CSMD1: variants seen among roughly 807,000 people sequenced by gnomAD.
CSMD1 encodes CUB and Sushi multiple domains 1.
CSMD1 carries 213 observed loss-of-function variants against 417.5 expected under a neutral mutation model. The ratio of observed to expected loss-of-function variants is 0.51; its 90% confidence interval spans 0.46 to 0.57. The LOEUF (loss-of-function observed/expected upper bound fraction) is 0.57, where lower values mean the gene tolerates loss of function less well. Among genes scored for constraint, CSMD1 ranks in the 20% least tolerant of loss-of-function variants. The probability of loss-of-function intolerance (pLI) is 0.00; values close to 1 mark genes in which losing one functional copy is unlikely to be tolerated. For missense variants in CSMD1, 6,923 were observed against 4,529.7 expected (o/e 1.53, Z -15.17); for synonymous variants, 2,862 against 1,736.8 (o/e 1.65, Z -16.11).
chr8:2,965,943 C>A lies in CSMD1; in HGVS notation c.9112G>T (p.Gly3038Trp). The change falls in exon 59 of 70, where the codon GGG becomes TGG. Residue 3038 changes from glycine (G) to tryptophan (W), a missense_variant. By Grantham distance (184) the Gly-to-Trp change is radical. Coordinates refer to ENST00000635120, the MANE Select transcript of CSMD1 (RefSeq NM_033225.6). Reference protein sequence around the residue: ...TAPDCTIISCGDPGTLANGIQ... With the variant: ...TAPDCTIISCWDPGTLANGIQ... ...CCATTTGCTAGTGTGCCTGGATCCC[C>A]ACAACTTATAACTAATAAACAGGGA... is the stretch of plus-strand genomic sequence containing the variant. The A allele has an allele frequency of 6.2e-7, 1 of 1,604,570 alleles. No individual in the cohort carries two copies. The highest frequency in any genetic ancestry group is 8.5e-7 in the Non-Finnish European group (1 of 1,175,308).
chr8:3,780,100 G>A (rs1799096037), intron 5 of CSMD1, among the ~76,000 whole-genome samples: 1 of 152,238 alleles, frequency 6.6e-6, no homozygotes, highest in Non-Finnish European at 1.5e-5. Context: ...ACCAGTCGGT[G>A]TTGCATTAGA....
intron 3 of CSMD1, among the ~76,000 whole-genome samples, chr8:4,169,218 C>G (rs115071882): frequency 0.02 from 3,073 of 152,240 alleles, 109 homozygotes; most frequent in African/African-American, 0.07. Flanking sequence ...CATGTCTGAG[C>G]AAAGTCCAGC....
intron 1 of CSMD1, among the ~76,000 whole-genome samples, chr8:4,918,313 C>T (rs1419783902): frequency 6.6e-6 from 1 of 152,182 alleles, no homozygotes; most frequent in Non-Finnish European, 1.5e-5. Flanking sequence ...TCGAAAATCA[C>T]AAAGTGTATT....
intron 2 of CSMD1, among the ~76,000 whole-genome samples, chr8:4,555,865 C>T (rs1035687526): frequency 6.6e-6 from 1 of 151,962 alleles, no homozygotes; most frequent in East Asian, 1.9e-4. Flanking sequence ...ATCTAAAAGA[C>T]TGAAAAGACT....
rs1227266091 is a variant in CSMD1, at chr8:3,412,029, TATATACACATATATAC to T, written c.1562-2440_1562-2425del. Among the ~76,000 whole-genome samples, 49 of 81,272 alleles carry T rather than the reference TATATACACATATATAC, an allele frequency of 6.0e-4. 11 individuals are homozygous for T. The highest frequency in any genetic ancestry group is 2.2e-3 in the African/African-American group (43 of 19,226). 53.3% of individuals were successfully genotyped at this position (81,272 alleles called of 152,430 possible). On this transcript the variant is annotated intron_variant, in intron 12 of 69. Transcript: ENST00000635120. ...GTATATATATACATATACACACGTATATATACACATATATACACGTATATATACACACGTATATATA... is the reference window on the plus strand; with the variant it reads ...GTATATATATACATATACACACGTATACGTATATATACACACGTATATATA...
intron 1 of CSMD1, among the ~76,000 whole-genome samples, chr8:4,812,066 T>C (rs1318767939): frequency 6.6e-6 from 1 of 152,196 alleles, no homozygotes; most frequent in East Asian, 1.9e-4. Context: ...TATAAAACTT[T>C]GGCTTTGACA....
chr8:3,439,108 GCA>G (rs1814767687), intron 12 of CSMD1, among the ~76,000 whole-genome samples: 1 of 63,464 alleles, frequency 1.6e-5, no homozygotes, highest in African/African-American at 6.9e-5. Flanking sequence ...GGGTGACAGA[GCA>G]AGACTCCATC....
chr8:3,714,106 G>C (rs948751647), intron 6 of CSMD1, among the ~76,000 whole-genome samples: 1 of 150,118 alleles, frequency 6.7e-6, no homozygotes, highest in South Asian at 2.1e-4. Flanking sequence ...ATATATAAAT[G>C]TATAAAATAT....
chr8:4,711,568 T>C (rs1032445528), intron 1 of CSMD1, among the ~76,000 whole-genome samples: 6 of 151,976 alleles, frequency 3.9e-5, no homozygotes, highest in African/African-American at 1.4e-4. Context: ...GACAGAGAAA[T>C]TTGAAAAAAA....
intron 3 of CSMD1, among the ~76,000 whole-genome samples, chr8:4,156,507 G>A (rs1161237317): frequency 6.6e-6 from 1 of 152,050 alleles, no homozygotes; most frequent in Non-Finnish European, 1.5e-5. Context: ...TTCCTTATGT[G>A]TAATAAAGTA....
intron 54 of CSMD1, among the ~76,000 whole-genome samples, chr8:2,991,966 T>C (rs1269612684): frequency 6.6e-6 from 1 of 152,196 alleles, no homozygotes; most frequent in Non-Finnish European, 1.5e-5. Context: ...TACAGATGCT[T>C]AAAAATATGT....
At chr8:2,943,145 T>C (rs1354470091) in intron 68 of CSMD1, among the ~76,000 whole-genome samples, 1 of 152,182 alleles carries the variant, frequency 6.6e-6, no homozygotes, top group Admixed American at 6.5e-5. Context: ...CAAAAATAAT[T>C]ATAGTTCAAT....
intron 27 of CSMD1, among the ~76,000 whole-genome samples, chr8:3,227,191 G>T (rs1798558720): frequency 6.6e-6 from 1 of 152,082 alleles, no homozygotes; most frequent in Non-Finnish European, 1.5e-5. Context: ...ATGAAGTCAG[G>T]AATTCGAGAC....
intron 49 of CSMD1, among the ~76,000 whole-genome samples, chr8:3,054,113 C>T (rs1418489886): frequency 6.6e-6 from 1 of 152,210 alleles, no homozygotes; most frequent in Non-Finnish European, 1.5e-5. Context: ...ATTCTCTCTT[C>T]TGCAAAAGCA....
intron 3 of CSMD1, among the ~76,000 whole-genome samples, chr8:4,239,323 A>T (rs1243898188): frequency 6.6e-6 from 1 of 152,162 alleles, no homozygotes; most frequent in East Asian, 1.9e-4. Context: ...TGCTAAGGAG[A>T]AGATTCCTCT....
chr8:4,355,323 A>ACT (rs563709217), intron 3 of CSMD1, among the ~76,000 whole-genome samples: 2 of 106,168 alleles, frequency 1.9e-5, no homozygotes, highest in Non-Finnish European at 4.7e-5. Context: ...ACACACACAC[A>ACT]CGCACACACA....
At chr8:3,769,847 G>A (rs1269509555) in intron 5 of CSMD1, among the ~76,000 whole-genome samples, 1 of 152,112 alleles carries the variant, frequency 6.6e-6, no homozygotes, top group Non-Finnish European at 1.5e-5. Flanking sequence ...TTCACAGGAT[G>A]GACTCCTAGA....
chr8:3,725,119 G>C (rs550070707), intron 6 of CSMD1, among the ~76,000 whole-genome samples: 66 of 152,322 alleles, frequency 4.3e-4, no homozygotes, highest in African/African-American at 1.5e-3. Context: ...TTTCAGCAAA[G>C]GAGGTAGACA....
At chr8:3,068,858 G>C (rs772217501) in intron 49 of CSMD1, among the ~76,000 whole-genome samples, 4 of 152,042 alleles carry the variant, frequency 2.6e-5, no homozygotes, top group African/African-American at 7.2e-5. Flanking sequence ...TTCAACACGA[G>C]ATTTGGGCAG....
Sources: allele counts gnomAD v4.1 joint callset (sites outside exome capture counted in the v4.1 genomes callset), GRCh38; gene constraint gnomAD v4.1.1; transcripts MANE v1.5; gene names NCBI Gene and HGNC (gene_info 2026-07-23, HGNC 2026-07-21).